The following SPATA31G1 variants were observed in gnomAD, a reference collection of about 807,000 sequenced individuals.
SPATA31G1 encodes SPATA31 subfamily G member 1, also known as spermatogenesis-associated protein 31G1.
chr9:35,044,579 C>T, the SPATA31G1 span: 2 of 1,614,152 alleles, frequency 1.2e-6, no homozygotes, highest in East Asian at 2.2e-5. Context: ...CATCCTCAAA[C>T]TCTGTTTCAA....
At chr9:35,044,854 A>C in the SPATA31G1 span, 15 of 1,613,946 alleles carry the variant, frequency 9.3e-6, 1 homozygote, top group South Asian at 1.6e-4. Context: ...GTGAAGATTG[A>C]ACGCACTCAT....
At chr9:35,043,717 C>G in the SPATA31G1 span, 6 of 1,614,026 alleles carry the variant, frequency 3.7e-6, no homozygotes. Flanking sequence ...GGAGGACTTG[C>G]TATATCTAAG....
chr9:35,041,960 T>C, the SPATA31G1 span: 56 of 303,644 alleles, frequency 1.8e-4, no homozygotes, highest in Admixed American at 9.0e-4. Flanking sequence ...AAAAATTAAG[T>C]AGTTTGAGTT....
chr9:35,043,106 G>GC, the SPATA31G1 span: 2 of 1,614,196 alleles, frequency 1.2e-6, no homozygotes, highest in Non-Finnish European at 8.5e-7. Flanking sequence ...CAGTCATGCA[G>GC]CCCGTGAGCC....
At chr9:35,041,481 C>A in the SPATA31G1 span, 2 of 159,346 alleles carry the variant, frequency 1.3e-5, no homozygotes, top group Middle Eastern at 3.2e-3. Context: ...GTGGCCCATG[C>A]CTGTAATCCC....
chr9:35,045,723 C>G, the SPATA31G1 span: 1 of 1,614,222 alleles, frequency 6.2e-7, no homozygotes, highest in South Asian at 1.1e-5. Context: ...CCTGACCCCT[C>G]GCCACTGTAA....
At chr9:35,042,732 AC>A in the SPATA31G1 span, 1 of 1,288,652 alleles carries the variant, frequency 7.8e-7, no homozygotes, top group Non-Finnish European at 1.1e-6. Context: ...TGTGTAGGTG[AC>A]TGGCCACACA....
the SPATA31G1 span, chr9:35,043,292 G>A: frequency 1.2e-6 from 2 of 1,614,182 alleles, no homozygotes; most frequent in Non-Finnish European, 1.7e-6. Flanking sequence ...CTCCTCTGAA[G>A]TGGTCTGTTT....
the SPATA31G1 span, chr9:35,043,378 C>G: frequency 6.2e-7 from 1 of 1,614,206 alleles, no homozygotes. Flanking sequence ...CACTCCTCAG[C>G]CCAGTTTTCT....
the SPATA31G1 span, chr9:35,042,723 G>C: frequency 8.1e-7 from 1 of 1,234,440 alleles, no homozygotes; most frequent in Non-Finnish European, 1.1e-6. Context: ...ATGAGGAGCT[G>C]TGTAGGTGAC....
the SPATA31G1 span, chr9:35,041,255 G>A: frequency 4.1e-6 from 1 of 241,108 alleles, no homozygotes; most frequent in African/African-American, 2.3e-5. Context: ...GCTAAATTGT[G>A]GAAGCTAAGA....
chr9:35,045,013 G>A, the SPATA31G1 span: 219 of 1,614,024 alleles, frequency 1.4e-4, no homozygotes, highest in East Asian at 2.7e-4. Flanking sequence ...AAGAAACTGC[G>A]GCAGAGCCCT....
At chr9:35,044,557 G>A in the SPATA31G1 span, 1 of 1,614,120 alleles carries the variant, frequency 6.2e-7, no homozygotes, top group Admixed American at 1.7e-5. Flanking sequence ...TTCCCAGGTA[G>A]GGGCTCCAGC....
the SPATA31G1 span, chr9:35,044,520 G>T: frequency 3.1e-6 from 5 of 1,613,914 alleles, no homozygotes; most frequent in Non-Finnish European, 4.2e-6. Context: ...AGGGGAAATG[G>T]AGCAAAAAGA....
chr9:35,045,000 C>T, the SPATA31G1 span: 1 of 1,614,202 alleles, frequency 6.2e-7, no homozygotes, highest in Non-Finnish European at 8.5e-7. Flanking sequence ...GAAACTCAGG[C>T]TGAAGAAACT....
At chr9:35,044,341 A>G in the SPATA31G1 span, 1 of 1,613,872 alleles carries the variant, frequency 6.2e-7, no homozygotes, top group Non-Finnish European at 8.5e-7. Context: ...CTTGCACCGG[A>G]GCTGCTCAGA....
chr9:35,045,553 C>G, the SPATA31G1 span: 1 of 1,614,184 alleles, frequency 6.2e-7, no homozygotes, highest in Non-Finnish European at 8.5e-7. Context: ...AACCACCCTG[C>G]CCAGGCCAGA....
chr9:35,044,045 C>T, the SPATA31G1 span: 1 of 1,613,932 alleles, frequency 6.2e-7, no homozygotes, highest in Admixed American at 1.7e-5. Flanking sequence ...TTTCACCTCC[C>T]AGCCTTCCCT....
the SPATA31G1 span, chr9:35,045,433 AG>A: frequency 6.2e-7 from 1 of 1,614,170 alleles, no homozygotes; most frequent in Non-Finnish European, 8.5e-7. Context: ...AGAAAGGACA[AG>A]GCTTCAGCCT....
Sources: gnomAD v4.1 joint callset for allele counts on GRCh38, gnomAD v4.1.1 for gene constraint, MANE v1.5 for transcripts, NCBI Gene and HGNC (gene_info 2026-07-23, HGNC 2026-07-21) for gene names.